Variants in CDK14 observed in about 807,000 individuals in gnomAD.
CDK14 encodes cyclin dependent kinase 14.
A neutral mutation model predicts 60.7 loss-of-function variants in CDK14; 34 were observed. That is an observed-to-expected ratio of 0.56 (90% CI 0.43 to 0.75). The LOEUF (loss-of-function observed/expected upper bound fraction) is 0.75, where lower values mean the gene tolerates loss of function less well. CDK14 is among the 30% of genes least tolerant of loss of function. CDK14 has a pLI of 0.00. For synonymous variants in CDK14, 197 were observed against 203.7 expected, an observed-to-expected ratio of 0.97 and a Z score of 0.28; for missense variants, 482 against 564.1, an observed-to-expected ratio of 0.85 and a Z score of 1.47.
At chr7:90,848,491 C>T (rs754284746) in intron 5 of CDK14, among the ~76,000 whole-genome samples, 8 of 152,212 alleles carry the variant, frequency 5.3e-5, no homozygotes, top group Admixed American at 3.3e-4. Context: ...CCCAGCTTGG[C>T]TGTTGGCTCT....
At chr7:90,757,689 C>T (rs1208590853) in intron 4 of CDK14, among the ~76,000 whole-genome samples, 1 of 151,926 alleles carries the variant, frequency 6.6e-6, no homozygotes, top group African/African-American at 2.4e-5. Flanking sequence ...CAACCTCTGC[C>T]GCTGAGGCTT....
intron 10 of CDK14, among the ~76,000 whole-genome samples, chr7:91,002,449 TTTAA>T (rs1214347280): frequency 4.6e-5 from 7 of 152,246 alleles, no homozygotes; most frequent in African/African-American, 1.7e-4. Context: ...TTCTTAGCTG[TTTAA>T]TTATTTTGAT....
At chr7:91,158,126 A>C (rs925614286) in intron 14 of CDK14, among the ~76,000 whole-genome samples, 1 of 148,060 alleles carries the variant, frequency 6.8e-6, no homozygotes, top group Non-Finnish European at 1.5e-5. Context: ...AACAGTATAT[A>C]TACATTATAT....
intron 14 of CDK14, among the ~76,000 whole-genome samples, chr7:91,189,094 C>CA (rs1236600833): frequency 7.9e-5 from 12 of 152,132 alleles, no homozygotes; most frequent in African/African-American, 1.9e-4. Context: ...AATATCATTA[C>CA]AAAAAAATCA....
intron 8 of CDK14, among the ~76,000 whole-genome samples, chr7:90,923,690 G>A (rs1001081066): frequency 2.0e-5 from 3 of 152,222 alleles, no homozygotes; most frequent in East Asian, 1.9e-4. Context: ...AAATTGCTAC[G>A]CATAGGACTG....
intron 8 of CDK14, among the ~76,000 whole-genome samples, chr7:90,922,585 A>T (rs2117439125): frequency 6.6e-6 from 1 of 152,346 alleles, no homozygotes; most frequent in Non-Finnish European, 1.5e-5. Flanking sequence ...ACATTACTTT[A>T]AAGATATAGT....
intron 11 of CDK14, among the ~76,000 whole-genome samples, chr7:91,074,488 A>G (rs1005161579): frequency 6.6e-5 from 10 of 152,232 alleles, no homozygotes; most frequent in African/African-American, 2.4e-4. Context: ...AATCTCTGGG[A>G]TGCAGCTAAA....
At chr7:90,874,005 T>C (rs1490639893) in intron 6 of CDK14, among the ~76,000 whole-genome samples, 4 of 152,186 alleles carry the variant, frequency 2.6e-5, no homozygotes, top group African/African-American at 9.7e-5. Context: ...CTGTGACTAC[T>C]TTTTCCTCTC....
At chr7:90,986,304 T>G (rs1022993714) in intron 10 of CDK14, among the ~76,000 whole-genome samples, 2 of 152,070 alleles carry the variant, frequency 1.3e-5, no homozygotes, top group Non-Finnish European at 2.9e-5. Flanking sequence ...ACAATCATCC[T>G]GTTAGTTAAG....
At chr7:90,687,131 AG>A (rs796330252) in intron 2 of CDK14, among the ~76,000 whole-genome samples, 1 of 152,206 alleles carries the variant, frequency 6.6e-6, no homozygotes, top group African/African-American at 2.4e-5. Flanking sequence ...ATCAGAACAG[AG>A]GGGTAATTTA....
chr7:90,990,504 T>A (rs574997097), intron 10 of CDK14, among the ~76,000 whole-genome samples: 42 of 152,312 alleles, frequency 2.8e-4, no homozygotes, highest in African/African-American at 9.6e-4. Flanking sequence ...TCAAGCTTCA[T>A]CTATAGGCAT....
chr7:90,952,168 C>G (rs1794282536), intron 8 of CDK14, among the ~76,000 whole-genome samples: 1 of 152,076 alleles, frequency 6.6e-6, no homozygotes, highest in African/African-American at 2.4e-5. Flanking sequence ...TCTAATGCAG[C>G]AGAGGCTGTT....
chr7:91,000,303 T>C (rs2115746321), intron 10 of CDK14, among the ~76,000 whole-genome samples: 1 of 152,296 alleles, frequency 6.6e-6, no homozygotes, highest in East Asian at 1.9e-4. Flanking sequence ...TACAAACCAG[T>C]CTTCTGTAGG....
intron 5 of CDK14, among the ~76,000 whole-genome samples, chr7:90,843,014 A>G (rs190480788): frequency 1.9e-4 from 29 of 152,304 alleles, no homozygotes; most frequent in African/African-American, 6.5e-4. Flanking sequence ...AGACCAAAGC[A>G]TCACTATTGT....
intron 5 of CDK14, among the ~76,000 whole-genome samples, chr7:90,849,750 C>A (rs1029850009): frequency 6.6e-6 from 1 of 151,926 alleles, no homozygotes. Context: ...AAATACCTGA[C>A]AAAGATTAAA....
intron 14 of CDK14, among the ~76,000 whole-genome samples, chr7:91,183,610 C>T (rs1378969340): frequency 1.3e-5 from 2 of 152,086 alleles, no homozygotes; most frequent in Non-Finnish European, 2.9e-5. Flanking sequence ...TGACTACAGG[C>T]TCTCCTTCAT....
chr7:91,130,440 C>T (rs1800081277), intron 14 of CDK14, among the ~76,000 whole-genome samples: 1 of 152,070 alleles, frequency 6.6e-6, no homozygotes, highest in Admixed American at 6.6e-5. Flanking sequence ...TAGGGGGTTC[C>T]TTTTAACTTT....
At chr7:90,700,302 C>A (rs1801754765) in intron 2 of CDK14, among the ~76,000 whole-genome samples, 1 of 152,092 alleles carries the variant, frequency 6.6e-6, no homozygotes, top group Non-Finnish European at 1.5e-5. Context: ...CCATGTTGGC[C>A]AGGATGATCT....
chr7:91,044,556 A>G (rs1030693103), intron 10 of CDK14, among the ~76,000 whole-genome samples: 2 of 152,168 alleles, frequency 1.3e-5, no homozygotes, highest in Admixed American at 6.5e-5. Context: ...ATAATGAGGT[A>G]TGTCCAGCTC....
Sources: allele counts gnomAD v4.1 joint callset (sites outside exome capture counted in the v4.1 genomes callset), GRCh38; gene constraint gnomAD v4.1.1; transcripts MANE v1.5; gene names NCBI Gene and HGNC (gene_info 2026-07-23, HGNC 2026-07-21).